Variants in KCNK5 observed in about 807,000 individuals in gnomAD.
KCNK5 encodes the protein potassium channel subfamily K member 5.
A neutral mutation model predicts 32.9 loss-of-function variants in KCNK5; 18 were observed. The observed-to-expected ratio is 0.55, with a 90% confidence interval of 0.38 to 0.81. KCNK5 has a LOEUF of 0.81. KCNK5 is among the 30% of genes least tolerant of loss of function. The pLI is 0.00. For synonymous variants in KCNK5, 276 were observed against 275.3 expected (o/e 1.00, Z -0.03); for missense variants, 507 against 651.0 (o/e 0.78, Z 2.41).
At chr6:39,210,491 G>A (rs1771315746) in intron 1 of KCNK5, among the ~76,000 whole-genome samples, 1 of 152,206 alleles carries the variant, frequency 6.6e-6, no homozygotes, top group African/African-American at 2.4e-5. Context: ...ATCTAGCCAG[G>A]CACCAGCTCC....
intron 1 of KCNK5, among the ~76,000 whole-genome samples, chr6:39,214,026 A>C (rs969741593): frequency 1.4e-5 from 2 of 147,378 alleles, no homozygotes; most frequent in Non-Finnish European, 3.0e-5. Flanking sequence ...ACTCTGTCTC[A>C]AAAAAAAAAA....
chr6:39,197,600 G>T (rs1216779758), intron 1 of KCNK5, among the ~76,000 whole-genome samples: 1 of 152,156 alleles, frequency 6.6e-6, no homozygotes, highest in Non-Finnish European at 1.5e-5. Context: ...GCCAACAGGA[G>T]AGCTAAAACA....
intron 1 of KCNK5, among the ~76,000 whole-genome samples, chr6:39,218,833 G>A (rs144760115): frequency 5.9e-5 from 9 of 152,256 alleles, no homozygotes; most frequent in Admixed American, 2.6e-4. Flanking sequence ...GGGCCTCCCC[G>A]CCAACTGCAC....
rs572324485 is a variant in KCNK5 at position 39,191,192 on chromosome 6, C to T, written c.1198G>A (p.Glu400Lys). 17 of 1,614,214 alleles carry T rather than the reference C, an allele frequency of 1.1e-5. No individual in the cohort carries two copies. The highest frequency in any genetic ancestry group is 3.3e-4 in the Middle Eastern group (2 of 6,062). The change falls in exon 5 of 5, where the codon GAG (glutamate) becomes AAG (lysine). Residue 400 changes from glutamate to lysine, a missense_variant. Glu to Lys is a moderately conservative substitution (Grantham distance 56). Around this residue, in one of 6 missense-constraint regions of KCNK5, gnomAD observed 252 missense variants for 250.8 expected, o/e 1.00. Transcript: ENST00000359534. The surrounding 1 kb of genome is among the most constrained non-coding windows in gnomAD (Gnocchi z 5.8). ...VFMNQLDRISEECEPWDAQDY... is the reference protein window; with the variant it reads ...VFMNQLDRISKECEPWDAQDY... ...TGGGCGTCCCATGGCTCGCATTCCT[C>T]GCTGATGCGGTCCAGCTGGTTCATG... is the stretch of plus-strand genomic sequence containing the variant.
intron 1 of KCNK5, among the ~76,000 whole-genome samples, chr6:39,201,901 C>T (rs889344380): frequency 6.6e-6 from 1 of 152,194 alleles, no homozygotes; most frequent in African/African-American, 2.4e-5. Flanking sequence ...TGCCCAAGGT[C>T]ACAGAGCTAG....
chr6:39,195,852 T>A, intron 2 of KCNK5, 24 bp downstream of exon 2: 6 of 1,572,022 alleles, frequency 3.8e-6, no homozygotes, highest in Non-Finnish European at 5.2e-6. Flanking sequence ...GATGTGGGTG[T>A]CCTACAGGTC....
chr6:39,190,200 G>A lies in KCNK5; in HGVS notation c.*690C>T, dbSNP rs1023690158. 1.3e-5 allele frequency: 2 copies of A among 152,398 alleles called. No individual in the cohort carries two copies. The highest frequency in any genetic ancestry group is 3.4e-3 in the Middle Eastern group (1 of 298). The allele number at this position is 152,398 out of a possible 1,614,324, so 9.4% of individuals were successfully genotyped here. A position where few individuals can be genotyped will look rare whatever the true frequency, so the allele number is the denominator to read the frequency against. ...AGACAGGGAACACAGCTCTGGGCTG[G>A]GCCTGAGTAGACCAACAAGGAGGAT... On this transcript the variant is annotated 3_prime_UTR_variant, in exon 5 of 5. Coordinates refer to ENST00000359534, the MANE Select transcript of KCNK5 (RefSeq NM_003740.4).
intron 1 of KCNK5, among the ~76,000 whole-genome samples, chr6:39,201,181 G>A (rs758641154): frequency 5.9e-5 from 9 of 152,142 alleles, no homozygotes; most frequent in Non-Finnish European, 1.2e-4. Context: ...ATGGGTTAAT[G>A]GGTTAATGGG....
chr6:39,216,881 G>C (rs1213184269), intron 1 of KCNK5, among the ~76,000 whole-genome samples: 1 of 152,070 alleles, frequency 6.6e-6, no homozygotes, highest in African/African-American at 2.4e-5. Context: ...CAGCACTTTG[G>C]GAGGCTGAGG....
chr6:39,228,897 T>G (rs1771718113), intron 1 of KCNK5, 29 bp downstream of exon 1: 2 of 1,608,710 alleles, frequency 1.2e-6, no homozygotes, highest in African/African-American at 1.3e-5. Flanking sequence ...CAGCTTCAGA[T>G]GTATATGGGG....
In KCNK5 at chr6:39,191,701, C is replaced by T; in HGVS notation, c.689G>A (p.Trp230Ter). ...CAGCCAGGCCAGCCCCAAGTAGATCCAGAGCTCCACGAAGTAGCGGTACAG... is the reference window on the plus strand; with the variant it reads ...CAGCCAGGCCAGCCCCAAGTAGATCTAGAGCTCCACGAAGTAGCGGTACAG... ...HALYRYFVEL[W>*]IYLGLAWLSL... Residue 230 changes from tryptophan (W) to a stop codon, truncating the protein, a stop_gained, in exon 5 of 5, where the codon TGG becomes TAG. Transcript: ENST00000359534. LOFTEE classifies it high-confidence loss of function. This position sits in a 1 kb window ranked among gnomAD's most constrained non-coding sequence, Gnocchi z 5.8. 6.2e-7 allele frequency: 1 copy of T among 1,614,030 alleles called. No homozygotes were observed. Among genetic ancestry groups the T allele is most frequent in the Non-Finnish European group, 8.5e-7 (1 of 1,180,018 alleles).
At chr6:39,207,741 A>C (rs928428435) in intron 1 of KCNK5, among the ~76,000 whole-genome samples, 1 of 152,074 alleles carries the variant, frequency 6.6e-6, no homozygotes, top group Admixed American at 6.5e-5. Flanking sequence ...CTGCCCTTCC[A>C]GCAGTGGGAA....
chr6:39,192,507 C>T (rs938678849), intron 4 of KCNK5, among the ~76,000 whole-genome samples: 3 of 152,198 alleles, frequency 2.0e-5, no homozygotes, highest in East Asian at 1.9e-4. Context: ...CCCCAGCACC[C>T]TCCAAGCTGG....
chr6:39,221,022 C>T (rs1377966754), intron 1 of KCNK5, among the ~76,000 whole-genome samples: 2 of 152,080 alleles, frequency 1.3e-5, no homozygotes, highest in East Asian at 3.9e-4. Flanking sequence ...TGCTTTGCTC[C>T]CTGCTTTGCC....
Position 39,191,880 on chromosome 6 carries a change from G to C in KCNK5, c.635-125C>G. ...CACAGGACGGGGGTGCAGTGGGATA[G>C]AAAGGGGCCTGTTCTAGACCCTGGA... On this transcript the variant is annotated intron_variant, in intron 4 of 4. Transcript: ENST00000359534. The surrounding 1 kb of genome is among the most constrained non-coding windows in gnomAD (Gnocchi z 5.8). 1 of 1,001,052 alleles carries C rather than the reference G, an allele frequency of 1.0e-6. No individual in the cohort carries two copies. The highest frequency in any genetic ancestry group is 1.5e-6 in the Non-Finnish European group (1 of 679,184). 62.0% of individuals were successfully genotyped at this position (1,001,052 alleles called of 1,614,324 possible). A position where few individuals can be genotyped will look rare whatever the true frequency, so the allele number is the denominator to read the frequency against.
At chr6:39,203,325 G>A (rs1353866693) in intron 1 of KCNK5, among the ~76,000 whole-genome samples, 1 of 152,214 alleles carries the variant, frequency 6.6e-6, no homozygotes, top group Admixed American at 6.5e-5. Context: ...GATGTTCCCT[G>A]GCCACCTGAT....
Position 39,229,318 on chromosome 6 carries a change from C to T in KCNK5, c.-207G>A, listed in dbSNP as rs1170611121. 44 of 623,164 alleles carry T rather than the reference C, an allele frequency of 7.1e-5. No individual in the cohort carries two copies. The highest frequency in any genetic ancestry group is 1.1e-4 in the Non-Finnish European group (41 of 363,106). The allele number at this position is 623,164 out of a possible 1,614,324, so 38.6% of individuals were successfully genotyped here. ...GAGTGCGGGGAGCTGCGTGGGGCCC[C>T]ACTCACGCGGCCCGGGGTGGGCGAA... On this transcript the variant is annotated 5_prime_UTR_variant, in exon 1 of 5. Coordinates refer to ENST00000359534, the MANE Select transcript of KCNK5 (RefSeq NM_003740.4).
At chr6:39,216,138 T>G (rs1220442885) in intron 1 of KCNK5, among the ~76,000 whole-genome samples, 1 of 151,958 alleles carries the variant, frequency 6.6e-6, no homozygotes, top group Non-Finnish European at 1.5e-5. Flanking sequence ...CAAAAAAATT[T>G]GCAGGGTGTG....
At chr6:39,208,643 T>C (rs757932234) in intron 1 of KCNK5, among the ~76,000 whole-genome samples, 5 of 152,234 alleles carry the variant, frequency 3.3e-5, no homozygotes, top group African/African-American at 4.8e-5. Flanking sequence ...AGCACAGACA[T>C]CTTGGGATGG....
Sources: allele counts gnomAD v4.1 joint callset (sites outside exome capture counted in the v4.1 genomes callset), GRCh38; gene constraint gnomAD v4.1.1; regional missense constraint gnomAD v4.1.1; non-coding constraint Gnocchi (gnomAD v3.1); transcripts MANE v1.5; gene names NCBI Gene and HGNC (gene_info 2026-07-23, HGNC 2026-07-21).